Variants in UGT1A7 observed in about 807,000 individuals in gnomAD.
The protein encoded by UGT1A7 is UDP glucuronosyltransferase family 1 member A7.
In UGT1A7, 33 loss-of-function variants were observed where a neutral mutation model predicts 45.6. The observed-to-expected ratio is 0.72, with a 90% CI of 0.55 to 0.97. The LOEUF is 0.97. Among genes scored for constraint, UGT1A7 ranks in the 50% least tolerant of loss-of-function variants. The probability of loss-of-function intolerance (pLI) is 0.00; values close to 1 mark genes in which losing one functional copy is unlikely to be tolerated. For missense variants in UGT1A7, 684 were observed against 666.2 expected (o/e 1.03, Z -0.29); for synonymous variants, 274 against 250.6 (o/e 1.09, Z -0.88).
intron 1 of UGT1A7, among the ~76,000 whole-genome samples, chr2:233,717,375 A>C (rs1330079040): frequency 6.6e-6 from 1 of 152,208 alleles, no homozygotes; most frequent in African/African-American, 2.4e-5. Context: ...AAGCCCTTAC[A>C]GACCTGCCCT....
chr2:233,702,376 T>C (rs574692648), intron 1 of UGT1A7, among the ~76,000 whole-genome samples: 5 of 152,300 alleles, frequency 3.3e-5, no homozygotes, highest in African/African-American at 1.2e-4. Flanking sequence ...TTCGTAGGAT[T>C]TTCTACATTC....
intron 1 of UGT1A7, chr2:233,713,074 G>A (rs2076276238): frequency 3.1e-6 from 5 of 1,614,210 alleles, no homozygotes; most frequent in South Asian, 1.1e-5. Flanking sequence ...TGGGCTGAGA[G>A]TGGGAAGGTG....
chr2:233,682,612 A>C lies in UGT1A7; in HGVS notation c.675A>C (p.Lys225Asn). The change falls in exon 1 of 5, where the codon AAA becomes AAC. Residue 225 changes from lysine (K) to asparagine (N), a missense_variant. Transcript: ENST00000373426. ...EEHLFCPYFF[K>N]NVLEIASEIL... is the part of the protein sequence containing the mutation. ...ATTTATTTTGCCCCTATTTTTTCAA[A>C]AATGTCTTAGAAATAGCCTCTGAAA... 5 of 1,613,862 alleles carry C rather than the reference A, an allele frequency of 3.1e-6. No homozygotes were observed. The highest frequency in any genetic ancestry group is 4.2e-6 in the Non-Finnish European group (5 of 1,179,834).
intron 1 of UGT1A7, among the ~76,000 whole-genome samples, chr2:233,717,384 C>G (rs1271366561): frequency 6.6e-6 from 1 of 152,240 alleles, no homozygotes; most frequent in Non-Finnish European, 1.5e-5. Flanking sequence ...CAGACCTGCC[C>G]TCTCTGTGCC....
chr2:233,733,427 A>G (rs1444261298), intron 1 of UGT1A7, among the ~76,000 whole-genome samples: 1 of 152,208 alleles, frequency 6.6e-6, no homozygotes, highest in Non-Finnish European at 1.5e-5. Context: ...CCTACTCAGT[A>G]TGATATTGGC....
intron 1 of UGT1A7, among the ~76,000 whole-genome samples, chr2:233,720,765 G>A (rs924654147): frequency 1.3e-5 from 2 of 151,260 alleles, no homozygotes; most frequent in African/African-American, 4.9e-5. Context: ...GAGGGCAGTG[G>A]CCGGATCTCC....
At chr2:233,695,044 T>C (rs545239838) in intron 1 of UGT1A7, among the ~76,000 whole-genome samples, 1 of 152,338 alleles carries the variant, frequency 6.6e-6, no homozygotes, top group African/African-American at 2.4e-5. Context: ...TTGTTAACCA[T>C]AGTCACCCTA....
chr2:233,750,221 T>C (rs1694392480), intron 1 of UGT1A7, among the ~76,000 whole-genome samples: 1 of 151,858 alleles, frequency 6.6e-6, no homozygotes, highest in Non-Finnish European at 1.5e-5. Context: ...CAGATGGAGA[T>C]GAGGAACTTA....
chr2:233,693,016 C>T (rs769422699), intron 1 of UGT1A7: 76 of 1,613,998 alleles, frequency 4.7e-5, no homozygotes, highest in Non-Finnish European at 5.9e-5. Flanking sequence ...TGGCCTGCCT[C>T]CTTCGCTCAT....
At chr2:233,761,197 G>C in intron 1 of UGT1A7, 1 of 1,614,114 alleles carries the variant, frequency 6.2e-7, no homozygotes, top group Non-Finnish European at 8.5e-7. Context: ...TCTTTCAGAT[G>C]TATTACTTTG....
intron 1 of UGT1A7, chr2:233,721,922 G>A: frequency 2.5e-6 from 1 of 400,722 alleles, no homozygotes; most frequent in Non-Finnish European, 5.0e-6. Flanking sequence ...CTTCCATAAA[G>A]TGACATCCTT....
At chr2:233,729,726 C>A in intron 1 of UGT1A7, 1 of 1,613,932 alleles carries the variant, frequency 6.2e-7, no homozygotes, top group Non-Finnish European at 8.5e-7. Context: ...TACTAACAAC[C>A]AATTCAGACC....
intron 1 of UGT1A7, among the ~76,000 whole-genome samples, chr2:233,706,625 G>A (rs1232121262): frequency 6.6e-6 from 1 of 152,130 alleles, no homozygotes; most frequent in Non-Finnish European, 1.5e-5. Flanking sequence ...AGAGAAATGA[G>A]TGTTTCTACT....
Position 233,725,255 on chromosome 2 carries a change from A to AGAGGCAGAG in UGT1A7, c.856-41768_856-41760dup, listed in dbSNP as rs1488139555. 3.1e-5 allele frequency among the ~76,000 whole-genome samples: 2 copies of AGAGGCAGAG among 63,970 alleles called. 1 individual carries two copies. The highest frequency in any genetic ancestry group is 5.4e-5 in the Non-Finnish European group (2 of 36,928). The allele number at this position is 63,970 out of a possible 152,430, so 42.0% of individuals were successfully genotyped here. A position where few individuals can be genotyped will look rare whatever the true frequency, so the allele number is the denominator to read the frequency against. ...CAGAGGAGGCAGAGGCAGAGGAGGC[A>AGAGGCAGAG]GAGGCAGAGGAGGCAGAGGCAGAGG... is the stretch of plus-strand genomic sequence containing the variant. On this transcript the variant is annotated intron_variant, in intron 1 of 4. Coordinates refer to ENST00000373426, the MANE Select transcript of UGT1A7 (RefSeq NM_019077.3).
chr2:233,724,904 G>C (rs1208234337), intron 1 of UGT1A7, among the ~76,000 whole-genome samples: 2 of 139,120 alleles, frequency 1.4e-5, no homozygotes. Context: ...TCCAGCCTGG[G>C]CACCATTGAG....
intron 1 of UGT1A7, chr2:233,753,313 T>C (rs1338043588): frequency 2.0e-5 from 3 of 152,278 alleles, no homozygotes; most frequent in Non-Finnish European, 4.4e-5. Context: ...TGTGCCCCTG[T>C]GGGATGGTGC....
chr2:233,724,270 G>A (rs1404305230), intron 1 of UGT1A7, among the ~76,000 whole-genome samples: 18 of 134,540 alleles, frequency 1.3e-4, no homozygotes, highest in African/African-American at 3.1e-4. Flanking sequence ...CGGACGGGGC[G>A]GCTGGCCGGG....
chr2:233,734,084 C>T (rs112644087), intron 1 of UGT1A7, among the ~76,000 whole-genome samples: 1 of 151,970 alleles, frequency 6.6e-6, no homozygotes. Flanking sequence ...TGTGCACATG[C>T]ACCCTAAAAC....
intron 1 of UGT1A7, chr2:233,742,016 C>T (rs115965783): frequency 0.01 from 1,533 of 152,008 alleles, 58 homozygotes; most frequent in African/African-American, 0.035. Context: ...CTTTCATCAA[C>T]CTAATTTGAT....
Sources: gnomAD v4.1 joint callset for allele counts (sites outside exome capture counted in the v4.1 genomes callset) on GRCh38, gnomAD v4.1.1 for gene constraint, MANE v1.5 for transcripts, NCBI Gene and HGNC (gene_info 2026-07-23, HGNC 2026-07-21) for gene names.